The following RELN variants were observed in gnomAD, a reference collection of about 807,000 sequenced individuals.
RELN encodes reelin.
A neutral mutation model predicts 427.6 loss-of-function variants in RELN; 108 were observed. The observed-to-expected ratio is 0.25, with a 90% CI of 0.22 to 0.30. RELN has a LOEUF of 0.30. Ranked by LOEUF, RELN falls within the 10% of genes least tolerant of loss-of-function variation. The pLI is 1.00. For missense variants in RELN, 3,715 were observed against 4,302.8 expected (o/e 0.86, Z 3.82); for synonymous variants, 1,524 against 1,513.4 (o/e 1.01, Z -0.16).
At chr7:103,634,949 G>T (rs1286454346) in intron 19 of RELN, among the ~76,000 whole-genome samples, 1 of 151,620 alleles carries the variant, frequency 6.6e-6, no homozygotes, top group Non-Finnish European at 1.5e-5. Context: ...ATCTCTGCCT[G>T]CCGGGTTCAA....
At chr7:103,502,910 A>G in intron 52 of RELN, 106 bp downstream of exon 52, 1 of 938,610 alleles carries the variant, frequency 1.1e-6, no homozygotes. Context: ...GGAGAAAGAA[A>G]GCACTTTACC....
At chr7:103,530,676 C>T (rs530957012) in intron 46 of RELN, among the ~76,000 whole-genome samples, 7 of 152,112 alleles carry the variant, frequency 4.6e-5, no homozygotes, top group Non-Finnish European at 8.8e-5. Context: ...TCCCCTAGGC[C>T]CATACCTATG....
At chr7:103,892,629 C>A (rs1794875310) in intron 2 of RELN, among the ~76,000 whole-genome samples, 1 of 152,140 alleles carries the variant, frequency 6.6e-6, no homozygotes, top group Non-Finnish European at 1.5e-5. Context: ...ATAGAGCTAA[C>A]ACATTTGTAG....
intron 52 of RELN, among the ~76,000 whole-genome samples, chr7:103,502,466 C>G (rs978079206): frequency 6.6e-6 from 1 of 152,218 alleles, no homozygotes; most frequent in African/African-American, 2.4e-5. Context: ...AATATATCCA[C>G]AGACTTTGCA....
At chr7:103,676,848 T>C (rs111644145) in intron 11 of RELN, among the ~76,000 whole-genome samples, 4,628 of 151,764 alleles carry the variant, frequency 0.03, 233 homozygotes, top group African/African-American at 0.11. Context: ...ATGAGAATAC[T>C]TGGACACAGG....
intron 8 of RELN, among the ~76,000 whole-genome samples, chr7:103,721,351 T>A (rs1790071623): frequency 6.6e-6 from 1 of 152,062 alleles, no homozygotes; most frequent in South Asian, 2.1e-4. Flanking sequence ...GCCTGATGGC[T>A]ACAGTCCTCA....
chr7:103,495,941 G>A (rs1198938571), intron 56 of RELN, 43 bp from the exon 57 acceptor site: 2 of 1,600,524 alleles, frequency 1.2e-6, no homozygotes, highest in Non-Finnish European at 1.7e-6. Flanking sequence ...TTATTCTCTT[G>A]AGGAAAATTG....
At position 103,491,823 on chromosome 7, in the gene RELN, G is replaced by GTCTC. The variant is rs60846683; in HGVS notation, c.9443+126_9443+129dup. 8.0e-3 allele frequency: 3,416 copies of GTCTC among 427,372 alleles called. 30 individuals are homozygous for GTCTC. The highest frequency in any genetic ancestry group is 0.025 in the Middle Eastern group (33 of 1,328). The allele number at this position is 427,372 out of a possible 1,614,324, so 26.5% of individuals were successfully genotyped here. A position where few individuals can be genotyped will look rare whatever the true frequency, so the allele number is the denominator to read the frequency against. Reference sequence around the variant, plus strand: ...CAGCCTGGGCAACAAGAGCGAAACTGTCTCTCTCTCTCTCTCTCTCTCTCT... The same window carrying GTCTC: ...CAGCCTGGGCAACAAGAGCGAAACTGTCTCTCTCTCTCTCTCTCTCTCTCTCTCT... On this transcript the variant is annotated intron_variant, in intron 58 of 64. Coordinates refer to ENST00000428762, the MANE Select transcript of RELN (RefSeq NM_005045.4).
chr7:103,972,154 A>C (rs1478936966), intron 1 of RELN, among the ~76,000 whole-genome samples: 1 of 152,212 alleles, frequency 6.6e-6, no homozygotes, highest in African/African-American at 2.4e-5. Flanking sequence ...TGAATATTAG[A>C]GGGAACTGAG....
Position 103,510,816 on chromosome 7 carries a change from T to C in RELN, c.8274+35A>G, listed in dbSNP as rs572387183. 93 of 1,543,370 alleles carry C rather than the reference T, an allele frequency of 6.0e-5. No homozygotes were observed. In the South Asian group the frequency reaches 7.5e-4, roughly 12 times the overall value. On this transcript the variant is annotated intron_variant, in intron 51 of 64. Coordinates refer to ENST00000428762, the MANE Select transcript of RELN (RefSeq NM_005045.4). ...TATTTTTTGTTATATTGCTAATGTATGGTTGTTTATATAATCAAGATCATA... is the reference window on the plus strand; with the variant it reads ...TATTTTTTGTTATATTGCTAATGTACGGTTGTTTATATAATCAAGATCATA...
At chr7:103,948,225 C>A (rs1273296277) in intron 1 of RELN, among the ~76,000 whole-genome samples, 1 of 152,098 alleles carries the variant, frequency 6.6e-6, no homozygotes, top group African/African-American at 2.4e-5. Context: ...TGTTTAGATG[C>A]CTTGTACTAC....
chr7:103,841,230 T>G (rs1488070278), intron 2 of RELN, among the ~76,000 whole-genome samples: 1 of 152,188 alleles, frequency 6.6e-6, no homozygotes, highest in Non-Finnish European at 1.5e-5. Context: ...TTGCATATTG[T>G]GTACAAACAT....
In RELN at chr7:103,603,473, T is replaced by G; in HGVS notation, c.3164A>C (p.Gln1055Pro). ...AGCTTCTGGGTGGCATTCAGTGCCT[T>G]GGTACCCCTGGTCACACCTATGAGA... ...HGICRCDQGYQGTECHPEAAL... is the reference protein window; with the variant it reads ...HGICRCDQGYPGTECHPEAAL... Residue 1055 changes from glutamine to proline, a missense_variant, in exon 24 of 65, where the codon CAA becomes CCA. Physicochemically the swap from Gln to Pro is moderately conservative, Grantham distance 76. This residue lies in a region of RELN where 2,208 missense variants were observed against 2,361.7 expected (regional missense o/e 0.93). Coordinates refer to ENST00000428762, the MANE Select transcript of RELN (RefSeq NM_005045.4). The surrounding 1 kb of genome is among the most constrained non-coding windows in gnomAD (Gnocchi z 4.3). 1 of 1,613,850 alleles carries G rather than the reference T, an allele frequency of 6.2e-7. No individual in the cohort carries two copies.
chr7:103,638,047 ATAAAG>A (rs373183940), intron 17 of RELN, among the ~76,000 whole-genome samples: 2 of 150,948 alleles, frequency 1.3e-5, no homozygotes, highest in East Asian at 3.9e-4. Context: ...GCTGATAAAG[ATAAAG>A]TAGTTTTTTA....
At chr7:103,772,037 C>T (rs2237636) in intron 4 of RELN, among the ~76,000 whole-genome samples, 27,333 of 152,150 alleles carry the variant, frequency 0.18, 2,579 homozygotes, top group East Asian at 0.31. Context: ...AGGTCCTGCA[C>T]GATCTGCTCC....
At chr7:103,610,908 A>G in intron 21 of RELN, 101 bp from the exon 22 acceptor site, 1 of 736,544 alleles carries the variant, frequency 1.4e-6, no homozygotes, top group Non-Finnish European at 2.5e-6. Flanking sequence ...AGAGAAATCT[A>G]ATGTCATAAT....
intron 1 of RELN, among the ~76,000 whole-genome samples, chr7:103,965,892 TTTC>T (rs1256765073): frequency 6.6e-6 from 1 of 152,214 alleles, no homozygotes; most frequent in East Asian, 1.9e-4. Context: ...AATATGCTCT[TTTC>T]TTATTCTTAA....
At chr7:103,889,527 G>A (rs1584336108) in intron 2 of RELN, among the ~76,000 whole-genome samples, 1 of 152,126 alleles carries the variant, frequency 6.6e-6, no homozygotes, top group South Asian at 2.1e-4. Flanking sequence ...GCTACCAGAG[G>A]GAAATCTTTT....
chr7:103,802,358 G>A (rs1209956720), intron 3 of RELN, among the ~76,000 whole-genome samples: 1 of 152,144 alleles, frequency 6.6e-6, no homozygotes, highest in African/African-American at 2.4e-5. Flanking sequence ...TTCATATGAT[G>A]TAATATGTAT....
Sources: gnomAD v4.1 joint callset for allele counts (sites outside exome capture counted in the v4.1 genomes callset) on GRCh38, gnomAD v4.1.1 for gene constraint, gnomAD v4.1.1 regional missense constraint, Gnocchi (gnomAD v3.1) non-coding constraint, MANE v1.5 for transcripts, NCBI Gene and HGNC (gene_info 2026-07-23, HGNC 2026-07-21) for gene names.